The following PDE3B variants were observed in gnomAD, a reference collection of about 807,000 sequenced individuals.
PDE3B encodes the protein cGMP-inhibited 3',5'-cyclic phosphodiesterase 3B.
In PDE3B, 66 loss-of-function variants were observed where a neutral mutation model predicts 116.8. The ratio of observed to expected loss-of-function variants is 0.56; its 90% confidence interval spans 0.46 to 0.69. The LOEUF is 0.69. PDE3B is among the 30% of genes least tolerant of loss of function. The pLI is 0.00. For synonymous variants in PDE3B, 595 were observed against 533.6 expected (o/e 1.12, Z -1.59); for missense variants, 1,384 against 1,368.1 (o/e 1.01, Z -0.18).
chr11:14,710,775 A>G (rs1485793655), intron 1 of PDE3B, among the ~76,000 whole-genome samples: 1 of 152,204 alleles, frequency 6.6e-6, no homozygotes, highest in Non-Finnish European at 1.5e-5. Context: ...TATCCTTCCT[A>G]TAGCTCTTCT....
chr11:14,883,072 T>A, the PDE3B span, among the ~76,000 whole-genome samples: 6 of 152,136 alleles, frequency 3.9e-5, no homozygotes, highest in Non-Finnish European at 7.4e-5. Flanking sequence ...TGCTCATGGG[T>A]AGGAGGAATC....
intron 12 of PDE3B, among the ~76,000 whole-genome samples, chr11:14,857,105 G>A (rs561995405): frequency 1.3e-5 from 2 of 152,264 alleles, no homozygotes; most frequent in South Asian, 2.1e-4. Context: ...CCAACTCAGA[G>A]GGTGAAAAGT....
At chr11:14,726,581 C>T (rs1040316891) in intron 1 of PDE3B, among the ~76,000 whole-genome samples, 4 of 152,174 alleles carry the variant, frequency 2.6e-5, no homozygotes, top group South Asian at 2.1e-4. Context: ...TCAAGCCTTT[C>T]GCTGATTTTT....
At chr11:14,835,120 A>G in intron 11 of PDE3B, 25 bp downstream of exon 11, 1 of 1,388,650 alleles carries the variant, frequency 7.2e-7, no homozygotes, top group Non-Finnish European at 1.0e-6. Context: ...AAATCTCTTA[A>G]TTATTTTGAT....
At chr11:14,715,102 G>A (rs1447881065) in intron 1 of PDE3B, among the ~76,000 whole-genome samples, 1 of 151,970 alleles carries the variant, frequency 6.6e-6, no homozygotes, top group Admixed American at 6.5e-5. Flanking sequence ...TCTATTAAAG[G>A]TACAATTATT....
chr11:14,696,630 T>C (rs1365349403), intron 1 of PDE3B, among the ~76,000 whole-genome samples: 1 of 152,124 alleles, frequency 6.6e-6, no homozygotes, highest in Non-Finnish European at 1.5e-5. Flanking sequence ...TTTACCCCTT[T>C]AAAAAATTGG....
At chr11:14,763,540 G>GT (rs1331925061) in intron 1 of PDE3B, among the ~76,000 whole-genome samples, 1 of 152,040 alleles carries the variant, frequency 6.6e-6, no homozygotes, top group Non-Finnish European at 1.5e-5. Context: ...ACTGCAGCAT[G>GT]TTTATAATCT....
intron 1 of PDE3B, among the ~76,000 whole-genome samples, chr11:14,755,239 C>T (rs1305212718): frequency 6.6e-6 from 1 of 152,130 alleles, no homozygotes; most frequent in African/African-American, 2.4e-5. Context: ...TGTCCATTCC[C>T]ACACAAATTT....
At chr11:14,776,314 C>T (rs1242388227) in intron 2 of PDE3B, 1 of 152,276 alleles carries the variant, frequency 6.6e-6, no homozygotes, top group East Asian at 1.9e-4. Context: ...TGAGACTCCC[C>T]TTCCCCACTG....
intron 7 of PDE3B, among the ~76,000 whole-genome samples, chr11:14,823,463 C>T (rs1679392091): frequency 6.6e-6 from 1 of 151,826 alleles, no homozygotes; most frequent in Non-Finnish European, 1.5e-5. Flanking sequence ...TTGGAGAGTC[C>T]AAAGTGACTG....
intron 1 of PDE3B, among the ~76,000 whole-genome samples, chr11:14,716,460 G>C (rs1166731907): frequency 2.0e-5 from 3 of 151,326 alleles, no homozygotes; most frequent in African/African-American, 7.3e-5. Flanking sequence ...CTCCACCTCT[G>C]GGGGCAGGGC....
At chr11:14,759,443 T>A (rs1423044402) in intron 1 of PDE3B, among the ~76,000 whole-genome samples, 1 of 152,142 alleles carries the variant, frequency 6.6e-6, no homozygotes, top group African/African-American at 2.4e-5. Flanking sequence ...TACACTGACA[T>A]CTGGAACAAA....
intron 1 of PDE3B, among the ~76,000 whole-genome samples, chr11:14,672,146 T>G (rs1341469445): frequency 6.6e-6 from 1 of 151,244 alleles, no homozygotes; most frequent in Non-Finnish European, 1.5e-5. Context: ...GGCTTTCTCA[T>G]TAGATTCTGA....
intron 1 of PDE3B, among the ~76,000 whole-genome samples, chr11:14,724,541 G>C (rs1157885521): frequency 1.3e-5 from 2 of 152,120 alleles, no homozygotes; most frequent in Non-Finnish European, 2.9e-5. Flanking sequence ...TCAGATTTTG[G>C]ATATTTGGAT....
intron 1 of PDE3B, among the ~76,000 whole-genome samples, chr11:14,663,941 AC>A (rs1397823641): frequency 6.6e-6 from 1 of 152,144 alleles, no homozygotes; most frequent in African/African-American, 2.4e-5. Flanking sequence ...AGAACTCTCC[AC>A]CCCAAATCAA....
chr11:14,834,814 A>G (rs1370169009), intron 10 of PDE3B, among the ~76,000 whole-genome samples, 168 bp from the exon 11 acceptor site: 5 of 152,210 alleles, frequency 3.3e-5, no homozygotes, highest in African/African-American at 4.8e-5. Context: ...AAAGTTTTTA[A>G]AAGATATTTT....
At chr11:14,777,062 A>T (rs1490057178) in intron 2 of PDE3B, among the ~76,000 whole-genome samples, 1 of 152,220 alleles carries the variant, frequency 6.6e-6, no homozygotes, top group Non-Finnish European at 1.5e-5. Flanking sequence ...AATATAAATT[A>T]TAAAGAAGAA....
chr11:14,893,341 C>G, the PDE3B span, among the ~76,000 whole-genome samples: 1 of 152,178 alleles, frequency 6.6e-6, no homozygotes, highest in Non-Finnish European at 1.5e-5. Context: ...CAAGGGCTGT[C>G]AAGGAAAGTC....
intron 1 of PDE3B, among the ~76,000 whole-genome samples, chr11:14,759,205 G>A (rs932204020): frequency 4.3e-4 from 66 of 152,172 alleles, no homozygotes; most frequent in South Asian, 3.5e-3. Context: ...ATCAATGTTC[G>A]TCAAGGATAT....
Sources: gnomAD v4.1 joint callset for allele counts (sites outside exome capture counted in the v4.1 genomes callset) on GRCh38, gnomAD v4.1.1 for gene constraint, MANE v1.5 for transcripts, NCBI Gene and HGNC (gene_info 2026-07-23, HGNC 2026-07-21) for gene names.